Variants in BMPR1B observed in about 807,000 individuals in gnomAD.
BMPR1B encodes the protein bone morphogenetic protein receptor type-1B.
A neutral mutation model predicts 59.1 loss-of-function variants in BMPR1B; 12 were observed. The ratio of observed to expected loss-of-function variants is 0.20; its 90% CI spans 0.13 to 0.33. The LOEUF (loss-of-function observed/expected upper bound fraction) is 0.33, where lower values mean the gene tolerates loss of function less well. BMPR1B is among the 10% of genes least tolerant of loss of function. BMPR1B has a pLI of 1.00. For missense variants in BMPR1B, 550 were observed against 610.9 expected, an observed-to-expected ratio of 0.90 and a Z score of 1.05; for synonymous variants, 237 against 207.3, an observed-to-expected ratio of 1.14 and a Z score of -1.23.
At chr4:94,855,188 A>G (rs529782346) in intron 1 of BMPR1B, among the ~76,000 whole-genome samples, 1 of 152,178 alleles carries the variant, frequency 6.6e-6, no homozygotes, top group East Asian at 1.9e-4. Context: ...ATGTGGGGGG[A>G]TAAGAACACC....
intron 2 of BMPR1B, among the ~76,000 whole-genome samples, chr4:94,886,260 A>G (rs1241020004): frequency 6.6e-6 from 1 of 152,232 alleles, no homozygotes; most frequent in Non-Finnish European, 1.5e-5. Context: ...ACAATTTGAT[A>G]AAAGATTAAA....
chr4:94,996,863 G>A (rs1722095709), intron 3 of BMPR1B, among the ~76,000 whole-genome samples: 1 of 152,156 alleles, frequency 6.6e-6, no homozygotes, highest in African/African-American at 2.4e-5. Context: ...GTCATCACAG[G>A]TAGCACTTTA....
chr4:95,112,817 C>A (rs1045724147), intron 4 of BMPR1B, among the ~76,000 whole-genome samples: 3 of 152,016 alleles, frequency 2.0e-5, no homozygotes, highest in Non-Finnish European at 4.4e-5. Flanking sequence ...GCTTTACCAG[C>A]TTTTTCTGTT....
chr4:94,813,563 C>T (rs927939022), intron 1 of BMPR1B, among the ~76,000 whole-genome samples: 2 of 152,126 alleles, frequency 1.3e-5, no homozygotes, highest in African/African-American at 4.8e-5. Context: ...TGGAATCGTG[C>T]AGGCTGTTGT....
intron 2 of BMPR1B, among the ~76,000 whole-genome samples, chr4:94,992,858 A>G (rs1381326226): frequency 6.6e-6 from 1 of 151,072 alleles, no homozygotes; most frequent in Non-Finnish European, 1.5e-5. Flanking sequence ...AATGCCATAT[A>G]GTTAGAATCA....
At chr4:94,948,424 G>A (rs1247598666) in intron 2 of BMPR1B, among the ~76,000 whole-genome samples, 2 of 152,142 alleles carry the variant, frequency 1.3e-5, no homozygotes, top group African/African-American at 4.8e-5. Context: ...GAAATTCTCA[G>A]GTTTCCAAGC....
chr4:94,922,839 A>G (rs540817246), intron 2 of BMPR1B, among the ~76,000 whole-genome samples: 1 of 152,094 alleles, frequency 6.6e-6, no homozygotes, highest in African/African-American at 2.4e-5. Flanking sequence ...TACACCCTCT[A>G]TAAGGTTAAA....
intron 3 of BMPR1B, among the ~76,000 whole-genome samples, chr4:95,030,740 A>G (rs1378905472): frequency 6.6e-6 from 1 of 152,180 alleles, no homozygotes; most frequent in East Asian, 1.9e-4. Context: ...ACAAACAGAG[A>G]GCCAAATAAT....
chr4:94,920,377 C>T lies in BMPR1B; in HGVS notation c.-113+44477C>T, dbSNP rs143782494. Among the ~76,000 whole-genome samples the T allele has an allele frequency of 5.1e-3, 769 of 152,186 alleles. 6 individuals are homozygous for T. The highest frequency in any genetic ancestry group is 0.018 in the African/African-American group (744 of 41,522). ...TTGTTAATTAATTATATTAATTATA[C>T]AGCTAGTGCTCAGTTTCTCAACCTT... On this transcript the variant is annotated intron_variant, in intron 2 of 12. Coordinates refer to ENST00000515059, the MANE Select transcript of BMPR1B (RefSeq NM_001203.3).
chr4:95,120,070 C>T (rs1295275150), intron 6 of BMPR1B, among the ~76,000 whole-genome samples: 3 of 152,072 alleles, frequency 2.0e-5, no homozygotes, highest in African/African-American at 7.2e-5. Context: ...ATGTTTATGT[C>T]CATGTGTGCT....
intron 5 of BMPR1B, 137 bp downstream of exon 5, chr4:95,114,959 C>T (rs922917259): frequency 2.7e-5 from 22 of 803,810 alleles, no homozygotes; most frequent in Middle Eastern, 3.3e-4. Context: ...TTTAGGTCAG[C>T]AACAGATGGT....
intron 2 of BMPR1B, among the ~76,000 whole-genome samples, chr4:94,932,154 A>G (rs1729117080): frequency 6.6e-6 from 1 of 152,072 alleles, no homozygotes; most frequent in Non-Finnish European, 1.5e-5. Flanking sequence ...TTGGTTCCTT[A>G]CTTTTCTCCC....
chr4:94,841,738 A>T (rs999630947), intron 1 of BMPR1B, among the ~76,000 whole-genome samples: 2 of 152,098 alleles, frequency 1.3e-5, no homozygotes, highest in African/African-American at 4.8e-5. Context: ...TCACGCTGGG[A>T]GCTGTAGACC....
intron 3 of BMPR1B, among the ~76,000 whole-genome samples, chr4:95,095,332 G>A (rs1156811039): frequency 1.3e-5 from 2 of 152,030 alleles, no homozygotes; most frequent in African/African-American, 4.8e-5. Context: ...AAAACTGTGA[G>A]TATTTAAACT....
chr4:95,066,884 C>T (rs1263047088), intron 3 of BMPR1B, among the ~76,000 whole-genome samples: 1 of 152,124 alleles, frequency 6.6e-6, no homozygotes, highest in Non-Finnish European at 1.5e-5. Context: ...AGGTGAATAA[C>T]AGGCAATGGA....
At chr4:95,114,163 C>T (rs1039926018) in intron 4 of BMPR1B, among the ~76,000 whole-genome samples, 1 of 152,086 alleles carries the variant, frequency 6.6e-6, no homozygotes, top group African/African-American at 2.4e-5. Flanking sequence ...TCCTACCTGT[C>T]TTTAGTTTTT....
At chr4:94,863,470 C>T (rs1370393661) in intron 1 of BMPR1B, among the ~76,000 whole-genome samples, 1 of 152,168 alleles carries the variant, frequency 6.6e-6, no homozygotes, top group Non-Finnish European at 1.5e-5. Flanking sequence ...CTCTTGCCAA[C>T]AGAGTGGTGA....
intron 3 of BMPR1B, among the ~76,000 whole-genome samples, chr4:95,057,994 A>C (rs1727056838): frequency 6.6e-6 from 1 of 152,214 alleles, no homozygotes; most frequent in Non-Finnish European, 1.5e-5. Context: ...TCTGTAAAAA[A>C]AGATGCTATA....
intron 1 of BMPR1B, among the ~76,000 whole-genome samples, chr4:94,781,548 G>A (rs1201649748): frequency 3.9e-5 from 6 of 152,040 alleles, no homozygotes; most frequent in African/African-American, 1.4e-4. Flanking sequence ...GAGTAGCTGG[G>A]ATTACAGGTG....
Sources: allele counts gnomAD v4.1 joint callset (sites outside exome capture counted in the v4.1 genomes callset), GRCh38; gene constraint gnomAD v4.1.1; transcripts MANE v1.5; gene names NCBI Gene and HGNC (gene_info 2026-07-23, HGNC 2026-07-21).